VWF: variants seen among roughly 807,000 people sequenced by gnomAD.
The protein encoded by VWF is von Willebrand factor, also known as Factor VIII related antigen.
A neutral mutation model predicts 308.6 loss-of-function variants in VWF; 176 were observed. The ratio of observed to expected loss-of-function variants is 0.57; its 90% CI spans 0.50 to 0.65. The LOEUF is 0.65. Among genes scored for constraint, VWF ranks in the 30% least tolerant of loss-of-function variants. VWF has a pLI of 0.00. For synonymous variants in VWF, 1,385 were observed against 1,443.4 expected, an observed-to-expected ratio of 0.96 and a Z score of 0.92; for missense variants, 3,146 against 3,648.2, an observed-to-expected ratio of 0.86 and a Z score of 3.55.
intron 47 of VWF, among the ~76,000 whole-genome samples, chr12:5,966,308 C>A (rs1943403892): frequency 6.6e-6 from 1 of 152,088 alleles, no homozygotes; most frequent in Non-Finnish European, 1.5e-5. Flanking sequence ...CACACGTGTG[C>A]ACACAACTGG....
chr12:6,033,572 T>C (rs1944296436), intron 20 of VWF, among the ~76,000 whole-genome samples: 1 of 152,228 alleles, frequency 6.6e-6, no homozygotes, highest in Non-Finnish European at 1.5e-5. Context: ...GAAACTTCCA[T>C]ATAGAATCTC....
rs546230755 is a variant in VWF, at chr12:6,089,175, C to T, written c.657+6285G>A. Among the ~76,000 whole-genome samples the T allele has an allele frequency of 2.0e-5, 3 of 152,340 alleles. No individual in the cohort carries two copies. In the East Asian group the frequency reaches 5.8e-4, roughly 29 times the overall value. The stretch of plus-strand genomic sequence containing the variant: ...AACCTGGGGGCCCTGCGGGACTACA[C>T]AGGCTGTGAACAATTCAAAAGGCCA... On this transcript the variant is annotated intron_variant, in intron 6 of 51. Transcript: ENST00000261405.
chr12:5,948,983 C>T lies in VWF; in HGVS notation c.*32G>A. The T allele has an allele frequency of 6.2e-7, 1 of 1,600,072 alleles. No individual in the cohort carries two copies. The highest frequency in any genetic ancestry group is 8.5e-7 in the Non-Finnish European group (1 of 1,173,754). ...GGCCTGGCCATCAGGCCAAGGCAGG[C>T]AGCAGCAGGCACCCATGCAGCTGCA... On this transcript the variant is annotated 3_prime_UTR_variant, in exon 52 of 52. Transcript: ENST00000261405. The surrounding 1 kb of genome is among the most constrained non-coding windows in gnomAD (Gnocchi z 4.4).
At position 6,024,862 on chromosome 12, in the gene VWF, A is replaced by T. The variant is rs1442861631; in HGVS notation, c.3222+718T>A. Among the ~76,000 whole-genome samples, 2 of 152,170 alleles carry T rather than the reference A, an allele frequency of 1.3e-5. No homozygotes were observed. Among genetic ancestry groups the T allele is most frequent in the Non-Finnish European group, 2.9e-5 (2 of 68,018 alleles). ...ACATGGTGAAACCTTGACTCTACTA[A>T]AAATACAAAAATTAGCTGGGCGTGG... On this transcript the variant is annotated intron_variant, in intron 24 of 51. Coordinates refer to ENST00000261405, the MANE Select transcript of VWF (RefSeq NM_000552.5). This position sits in a 1 kb window ranked among gnomAD's most constrained non-coding sequence, Gnocchi z 4.0.
intron 47 of VWF, among the ~76,000 whole-genome samples, chr12:5,964,161 G>A (rs965209286): frequency 6.8e-6 from 1 of 146,734 alleles, no homozygotes; most frequent in African/African-American, 2.5e-5. Context: ...GGCTTGCAGT[G>A]AGCCGAGATC....
At chr12:6,092,544 T>C (rs2058221) in intron 6 of VWF, among the ~76,000 whole-genome samples, 16,801 of 148,114 alleles carry the variant, frequency 0.11, 1,482 homozygotes, top group African/African-American at 0.24. Context: ...TGCACGCGCG[T>C]GTGCCACCAT....
At chr12:5,966,887 T>C (rs1305360279) in intron 47 of VWF, among the ~76,000 whole-genome samples, 1 of 152,234 alleles carries the variant, frequency 6.6e-6, no homozygotes, top group Non-Finnish European at 1.5e-5. Flanking sequence ...AGTGAGGTGT[T>C]ACTAAAAGTC....
chr12:5,981,694 G>T lies in VWF; in HGVS notation c.7287+92C>A, dbSNP rs533561661. ...CAAATATTGGATGGGTAGGTGGATG[G>T]ATGAATGGATGGGTGGATAGAAGGA... On this transcript the variant is annotated intron_variant, in intron 42 of 51. Coordinates refer to ENST00000261405, the MANE Select transcript of VWF (RefSeq NM_000552.5). The T allele has an allele frequency of 3.6e-6, 5 of 1,383,636 alleles. No individual in the cohort carries two copies. In the African/African-American group the frequency reaches 7.1e-5, roughly 20 times the overall value. 85.7% of individuals were successfully genotyped at this position (1,383,636 alleles called of 1,614,324 possible).
intron 47 of VWF, among the ~76,000 whole-genome samples, chr12:5,961,322 C>T (rs554301398): frequency 6.6e-6 from 1 of 152,278 alleles, no homozygotes; most frequent in South Asian, 2.1e-4. Flanking sequence ...CTGTCTTCCA[C>T]GAAACTGGTC....
chr12:6,113,311 T>C (rs1487421386), intron 3 of VWF, among the ~76,000 whole-genome samples: 1 of 151,822 alleles, frequency 6.6e-6, no homozygotes, highest in Non-Finnish European at 1.5e-5. Flanking sequence ...TTTTTTTTTT[T>C]TTTTGAGACA....
intron 10 of VWF, among the ~76,000 whole-genome samples, chr12:6,069,551 C>T (rs1023672733): frequency 6.6e-6 from 1 of 152,192 alleles, no homozygotes; most frequent in Non-Finnish European, 1.5e-5. Flanking sequence ...GAGCATCAGA[C>T]AGCCCCACTG....
chr12:6,070,410 A>T (rs1944766988), intron 10 of VWF, among the ~76,000 whole-genome samples: 1 of 152,198 alleles, frequency 6.6e-6, no homozygotes, highest in South Asian at 2.1e-4. Flanking sequence ...AGGCCACCAA[A>T]GGTTAGTACT....
intron 40 of VWF, among the ~76,000 whole-genome samples, chr12:5,983,472 GATAGATACATACATAC>G (rs1391963423): frequency 2.7e-5 from 4 of 147,604 alleles, no homozygotes; most frequent in Non-Finnish European, 4.5e-5. Context: ...TTGATAGATA[GATAGATACATACATAC>G]ATACATACAT....
intron 47 of VWF, among the ~76,000 whole-genome samples, chr12:5,960,433 G>C (rs1169738241): frequency 6.6e-6 from 1 of 152,104 alleles, no homozygotes; most frequent in Non-Finnish European, 1.5e-5. Flanking sequence ...AACATTTTAG[G>C]AAGAAATAAT....
rs1943422991 is a variant in VWF, at chr12:5,967,982, C to T, written c.7770+145G>A. On this transcript the variant is annotated intron_variant, in intron 46 of 51. Transcript: ENST00000261405. The stretch of plus-strand genomic sequence containing the variant: ...CTAGCCTGGGCTCCATGATGCCAGG[C>T]ACGTCCCACAGGCAGTGGAAAGCTG... 6.1e-6 allele frequency: 7 copies of T among 1,154,406 alleles called. No individual in the cohort carries two copies. In the South Asian group the frequency reaches 8.5e-5, roughly 14 times the overall value. 71.5% of individuals were successfully genotyped at this position (1,154,406 alleles called of 1,614,324 possible).
intron 31 of VWF, among the ~76,000 whole-genome samples, chr12:6,015,083 C>G (rs778107538): frequency 6.6e-6 from 1 of 152,158 alleles, no homozygotes; most frequent in Non-Finnish European, 1.5e-5. Context: ...CTTGTAAGTT[C>G]GTTATATTAT....
At chr12:6,054,855 T>C (rs566512103) in intron 15 of VWF, among the ~76,000 whole-genome samples, 3 of 152,284 alleles carry the variant, frequency 2.0e-5, no homozygotes, top group East Asian at 3.9e-4. Flanking sequence ...AAAGTGGAAG[T>C]GGGTAGAGGG....
chr12:6,080,144 TG>T lies in VWF; in HGVS notation c.658-4594del, dbSNP rs558591251. 3.2e-3 allele frequency among the ~76,000 whole-genome samples: 480 copies of T among 152,330 alleles called. 2 individuals are homozygous for T. The highest frequency in any genetic ancestry group is 6.8e-3 in the Middle Eastern group (2 of 294). ...CGAGTTAGGTGTTCTCACAGCCCTC[TG>T]GGGGCCTCTATTCTTGTACTGAAAT... is the stretch of plus-strand genomic sequence containing the variant. On this transcript the variant is annotated intron_variant, in intron 6 of 51. Coordinates refer to ENST00000261405, the MANE Select transcript of VWF (RefSeq NM_000552.5).
intron 1 of VWF, among the ~76,000 whole-genome samples, chr12:6,123,800 G>C (rs1368138348): frequency 6.6e-6 from 1 of 152,162 alleles, no homozygotes; most frequent in East Asian, 1.9e-4. Context: ...TGAAAAAATG[G>C]ACAGGAGTCC....
Sources: gnomAD v4.1 joint callset for allele counts (sites outside exome capture counted in the v4.1 genomes callset) on GRCh38, gnomAD v4.1.1 for gene constraint, Gnocchi (gnomAD v3.1) non-coding constraint, MANE v1.5 for transcripts, NCBI Gene and HGNC (gene_info 2026-07-23, HGNC 2026-07-21) for gene names.